RGPD2: variants seen among roughly 807,000 people sequenced by gnomAD.
The protein encoded by RGPD2 is RANBP2 like and GRIP domain containing 2, also known as RANBP2-like and GRIP domain-containing protein 2.
RGPD2 carries 2 observed loss-of-function variants against 36.0 expected under a neutral mutation model. That is an observed-to-expected ratio of 0.06 (90% CI 0.02 to 0.17). RGPD2 has a LOEUF of 0.17. Ranked by LOEUF, RGPD2 falls within the 10% of genes least tolerant of loss-of-function variation. RGPD2 has a pLI of 1.00. For missense variants in RGPD2, 40 were observed against 464.3 expected (o/e 0.09, Z 8.40); for synonymous variants, 19 against 163.8 (o/e 0.12, Z 6.75).
chr2:87,839,508 T>A, the RGPD2 span, among the ~76,000 whole-genome samples: 1 of 151,930 alleles, frequency 6.6e-6, no homozygotes, highest in Non-Finnish European at 1.5e-5. Flanking sequence ...CTATTCACAA[T>A]GGGAAATCAA....
intron 22 of RGPD2, among the ~76,000 whole-genome samples, 180 bp downstream of exon 22, chr2:87,771,989 C>G (rs1194154166): frequency 2.9e-4 from 44 of 151,988 alleles, no homozygotes; most frequent in Non-Finnish European, 4.4e-4. Context: ...TATAAATGTA[C>G]TACAGTTGCC....
chr2:87,967,448 T>C, the RGPD2 span, among the ~76,000 whole-genome samples: 2 of 150,042 alleles, frequency 1.3e-5, no homozygotes, highest in East Asian at 1.9e-4. Context: ...TTGTTTTTGA[T>C]AAGAAAATAT....
the RGPD2 span, among the ~76,000 whole-genome samples, chr2:87,875,022 G>A: frequency 6.6e-6 from 1 of 152,202 alleles, no homozygotes; most frequent in African/African-American, 2.4e-5. Context: ...TGTTGTTGGT[G>A]TATGGGAATA....
chr2:87,989,374 A>G, the RGPD2 span, among the ~76,000 whole-genome samples: 1 of 150,786 alleles, frequency 6.6e-6, no homozygotes, highest in Non-Finnish European at 1.5e-5. Context: ...TGTTTTAATA[A>G]AAAGTGTCTA....
chr2:87,914,116 A>G, the RGPD2 span, among the ~76,000 whole-genome samples: 2 of 150,540 alleles, frequency 1.3e-5, no homozygotes, highest in Admixed American at 1.3e-4. Flanking sequence ...AAGGAGTCAG[A>G]AGATCTGCAG....
the RGPD2 span, among the ~76,000 whole-genome samples, chr2:87,947,820 G>A: frequency 6.6e-6 from 1 of 152,304 alleles, no homozygotes; most frequent in Admixed American, 6.5e-5. Context: ...TGTCACAAGT[G>A]GTTAATTGTC....
chr2:87,940,918 A>G, the RGPD2 span, among the ~76,000 whole-genome samples: 4 of 151,940 alleles, frequency 2.6e-5, no homozygotes, highest in Non-Finnish European at 4.4e-5. Context: ...ATTTATCTAC[A>G]AAGACCAATA....
the RGPD2 span, among the ~76,000 whole-genome samples, chr2:87,913,054 A>G: frequency 6.6e-6 from 1 of 152,170 alleles, no homozygotes; most frequent in Non-Finnish European, 1.5e-5. Flanking sequence ...TTATGTAAAT[A>G]AAATGGTAAG....
the RGPD2 span, among the ~76,000 whole-genome samples, chr2:87,957,114 A>G: frequency 6.6e-6 from 1 of 151,928 alleles, no homozygotes; most frequent in East Asian, 2.0e-4. Context: ...GTTCAAATCT[A>G]AAAGTGTTAC....
chr2:87,979,202 C>T, the RGPD2 span, among the ~76,000 whole-genome samples: 1 of 148,726 alleles, frequency 6.7e-6, no homozygotes, highest in African/African-American at 2.5e-5. Context: ...CCACTGCACT[C>T]CAGCCTGGAT....
At chr2:87,875,037 C>A in the RGPD2 span, among the ~76,000 whole-genome samples, 2 of 152,182 alleles carry the variant, frequency 1.3e-5, no homozygotes, top group Non-Finnish European at 2.9e-5. Flanking sequence ...GGAATACTAG[C>A]AAGTTTTGCA....
At chr2:87,842,090 C>G in the RGPD2 span, among the ~76,000 whole-genome samples, 1 of 152,030 alleles carries the variant, frequency 6.6e-6, no homozygotes, top group African/African-American at 2.4e-5. Flanking sequence ...ATGACAAACC[C>G]ACAGCCAATA....
the RGPD2 span, among the ~76,000 whole-genome samples, chr2:87,935,378 C>A: frequency 6.7e-6 from 1 of 149,978 alleles, no homozygotes; most frequent in Non-Finnish European, 1.5e-5. Flanking sequence ...TTGGTATCTA[C>A]GAAAGTTGTC....
At chr2:87,983,146 C>G in the RGPD2 span, among the ~76,000 whole-genome samples, 12 of 150,844 alleles carry the variant, frequency 8.0e-5, no homozygotes, top group Non-Finnish European at 1.3e-4. Context: ...ATGGCAAAAC[C>G]CCGTCTCTAC....
At chr2:87,926,644 CTT>C in the RGPD2 span, among the ~76,000 whole-genome samples, 30 of 12,676 alleles carry the variant, frequency 2.4e-3, 1 homozygote, top group Admixed American at 7.7e-3. Flanking sequence ...AATAAAAAGA[CTT>C]TAACTCAGCT....
the RGPD2 span, among the ~76,000 whole-genome samples, chr2:87,928,865 G>GT: frequency 2.0e-5 from 3 of 151,594 alleles, no homozygotes; most frequent in Non-Finnish European, 4.4e-5. Flanking sequence ...AGAAGTGTCT[G>GT]TTCATGTCCA....
At chr2:87,915,598 ATG>A in the RGPD2 span, among the ~76,000 whole-genome samples, 22 of 144,976 alleles carry the variant, frequency 1.5e-4, no homozygotes, top group African/African-American at 5.4e-4. Context: ...ACACATATAT[ATG>A]TGTGTGTATA....
chr2:87,882,660 TG>T, the RGPD2 span, among the ~76,000 whole-genome samples: 1 of 152,262 alleles, frequency 6.6e-6, no homozygotes, highest in Non-Finnish European at 1.5e-5. Context: ...CGGATTCCAT[TG>T]AATTTATAGA....
chr2:87,940,635 T>TGTG, the RGPD2 span, among the ~76,000 whole-genome samples: 16 of 125,318 alleles, frequency 1.3e-4, no homozygotes, highest in Non-Finnish European at 1.6e-5. Flanking sequence ...TTTCTGTTTG[T>TGTG]GTGTGTGTGT....
Sources: gnomAD v4.1 joint callset for allele counts (sites outside exome capture counted in the v4.1 genomes callset) on GRCh38, gnomAD v4.1.1 for gene constraint, MANE v1.5 for transcripts, NCBI Gene and HGNC (gene_info 2026-07-23, HGNC 2026-07-21) for gene names.